CES5A: variants seen among roughly 807,000 people sequenced by gnomAD.
CES5A encodes the protein carboxylesterase 5.
Under a neutral mutation model 62.9 loss-of-function variants are expected in CES5A, and 67 were observed. The observed-to-expected ratio is 1.07, with a 90% CI of 0.88 to 1.31. The LOEUF is 1.31. Ranked by LOEUF, CES5A falls within the 50% of genes most tolerant of loss-of-function variation. The pLI is 0.00. For synonymous variants in CES5A, 296 were observed against 280.8 expected (o/e 1.05, Z -0.54); for missense variants, 748 against 708.5 (o/e 1.06, Z -0.63).
chr16:55,955,180 G>A (rs1472537623), intron 1 of CES5A, among the ~76,000 whole-genome samples: 5 of 152,118 alleles, frequency 3.3e-5, no homozygotes, highest in African/African-American at 1.2e-4. Context: ...AACCGCAAGA[G>A]GCTACCAAAG....
intron 2 of CES5A, among the ~76,000 whole-genome samples, chr16:55,931,737 T>C (rs2034314286): frequency 6.6e-6 from 1 of 152,186 alleles, no homozygotes; most frequent in African/African-American, 2.4e-5. Context: ...TTAGGTTAGA[T>C]TGGGTTGCAA....
intron 1 of CES5A, among the ~76,000 whole-genome samples, chr16:55,918,725 C>A (rs566379506): frequency 6.6e-6 from 1 of 152,286 alleles, no homozygotes; most frequent in African/African-American, 2.4e-5. Flanking sequence ...ACCACTTCTG[C>A]CTGACTTCTA....
upstream of CES5A, among the ~76,000 whole-genome samples, chr16:55,928,878 G>A (rs1383142174): frequency 6.6e-6 from 1 of 152,028 alleles, no homozygotes; most frequent in Non-Finnish European, 1.5e-5. Context: ...AATCCTACCT[G>A]TGTCCCCAGG....
At chr16:55,877,856 G>T (rs2033714733), upstream of CES5A, among the ~76,000 whole-genome samples, 1 of 152,204 alleles carries the variant, frequency 6.6e-6, no homozygotes, top group Non-Finnish European at 1.5e-5. Context: ...TGGAACTAAA[G>T]CCCAGGTTTC....
chr16:55,881,579 G>A (rs2033762460), intron 1 of CES5A, among the ~76,000 whole-genome samples: 1 of 152,198 alleles, frequency 6.6e-6, no homozygotes, highest in Non-Finnish European at 1.5e-5. Flanking sequence ...TACAGCAAAT[G>A]CAATGGAGAT....
chr16:55,951,524 C>T (rs112332182), intron 1 of CES5A, among the ~76,000 whole-genome samples: 1,914 of 152,160 alleles, frequency 0.013, 47 homozygotes, highest in African/African-American at 0.044. Context: ...GATTTAGAAA[C>T]TAACATCCAG....
intron 1 of CES5A, among the ~76,000 whole-genome samples, chr16:55,890,281 AG>A: frequency 6.6e-6 from 1 of 152,346 alleles, no homozygotes. Context: ...TACCCAGTTA[AG>A]AAAAAGAAAA....
intron 1 of CES5A, among the ~76,000 whole-genome samples, chr16:55,911,129 A>T (rs2034088146): frequency 6.6e-6 from 1 of 152,160 alleles, no homozygotes; most frequent in South Asian, 2.1e-4. Context: ...CTGTACTAAG[A>T]CAAGAGTGGC....
upstream of CES5A, among the ~76,000 whole-genome samples, chr16:55,929,698 G>A (rs546185088): frequency 2.6e-5 from 4 of 152,272 alleles, no homozygotes; most frequent in East Asian, 5.8e-4. Context: ...GACAGCATCC[G>A]ACAGGGCATA....
chr16:55,854,993 G>A (rs1446858392), intron 9 of CES5A, among the ~76,000 whole-genome samples: 2 of 152,184 alleles, frequency 1.3e-5, no homozygotes, highest in Admixed American at 6.5e-5. Context: ...TCTGCTCCCA[G>A]TTGGTCCTCT....
At chr16:55,950,775 T>C (rs940615326) in intron 1 of CES5A, among the ~76,000 whole-genome samples, 1 of 151,766 alleles carries the variant, frequency 6.6e-6, no homozygotes. Context: ...TTAGATTGAA[T>C]GGATCTATCA....
chr16:55,924,570 T>A (rs751053893), intron 1 of CES5A, among the ~76,000 whole-genome samples: 2 of 151,646 alleles, frequency 1.3e-5, no homozygotes, highest in Admixed American at 6.6e-5. Flanking sequence ...AGAAAAAAAA[T>A]TCTGAAATGT....
At chr16:55,903,938 G>T (rs2034015053) in intron 1 of CES5A, among the ~76,000 whole-genome samples, 1 of 152,192 alleles carries the variant, frequency 6.6e-6, no homozygotes, top group African/African-American at 2.4e-5. Context: ...AACGTTGCAA[G>T]AAGTTATTAC....
intron 1 of CES5A, among the ~76,000 whole-genome samples, chr16:55,894,418 G>C (rs555723654): frequency 7.0e-6 from 1 of 141,948 alleles, no homozygotes; most frequent in Admixed American, 7.5e-5. Context: ...TGAGGCATGA[G>C]AATCGCTTGA....
At chr16:55,883,953 A>C (rs1314199476) in intron 1 of CES5A, among the ~76,000 whole-genome samples, 1 of 152,154 alleles carries the variant, frequency 6.6e-6, no homozygotes, top group African/African-American at 2.4e-5. Context: ...CCACTCTAAC[A>C]GGGGGGTCAT....
chr16:55,853,144 C>T (rs1335154968), intron 9 of CES5A, 116 bp from the exon 10 acceptor site: 113 of 991,516 alleles, frequency 1.1e-4, no homozygotes, highest in Non-Finnish European at 1.7e-4. Context: ...TCATTTAACC[C>T]ACACAGCAAC....
At chr16:55,846,930 C>T in intron 11 of CES5A, 90 bp from the exon 12 acceptor site, 1 of 1,018,180 alleles carries the variant, frequency 9.8e-7, no homozygotes, top group Non-Finnish European at 1.5e-6. Context: ...TTTCACACCC[C>T]TCCTCCCACT....
chr16:55,849,706 T>C lies in CES5A; in HGVS notation c.1341A>G (p.Pro447=), dbSNP rs2160276. 0.72 allele frequency: 1,157,566 copies of C among 1,613,480 alleles called. 416,843 individuals are homozygous for C. Among genetic ancestry groups the C allele is most frequent in the Admixed American group, 0.8 (48,116 of 59,992 alleles). Residue 447 remains proline (P), a synonymous_variant, in exon 11 of 13, where the codon CCA becomes CCG. Transcript: ENST00000290567. ...HRPQCFEDTK[P]AFVKADHADE... ...CAGCGTGGTCGGCTTTGACAAAAGC[T>C]GGCTTCGTGTCTTCAAAGCACTGAG... is the stretch of plus-strand genomic sequence containing the variant.
chr16:55,885,816 T>C (rs1044896400), intron 1 of CES5A, among the ~76,000 whole-genome samples: 7 of 152,174 alleles, frequency 4.6e-5, no homozygotes, highest in Admixed American at 3.3e-4. Flanking sequence ...GGCCACTACC[T>C]ACTATGGGAT....
Sources: gnomAD v4.1 joint callset for allele counts (sites outside exome capture counted in the v4.1 genomes callset) on GRCh38, gnomAD v4.1.1 for gene constraint, MANE v1.5 for transcripts, NCBI Gene and HGNC (gene_info 2026-07-23, HGNC 2026-07-21) for gene names.